DNAH7: variants seen among roughly 807,000 people sequenced by gnomAD.
The protein encoded by DNAH7 is dynein axonemal heavy chain 7.
DNAH7 carries 397 observed loss-of-function variants against 444.6 expected under a neutral mutation model. The ratio of observed to expected loss-of-function variants is 0.89; its 90% CI spans 0.82 to 0.97. DNAH7 has a LOEUF of 0.97. DNAH7 is among the 50% of genes least tolerant of loss of function. DNAH7 has a pLI of 0.00. For synonymous variants in DNAH7, 1,636 were observed against 1,624.4 expected (o/e 1.01, Z -0.17); for missense variants, 4,902 against 4,800.8 (o/e 1.02, Z -0.62).
chr2:195,838,221 T>C (rs1335618639), intron 47 of DNAH7, among the ~76,000 whole-genome samples: 3 of 152,112 alleles, frequency 2.0e-5, no homozygotes, highest in Non-Finnish European at 4.4e-5. Flanking sequence ...ACTGAGTTAT[T>C]TGACTGCTAA....
Position 195,960,285 on chromosome 2 carries a change from TG to T in DNAH7, c.2865del (p.Phe955LeufsTer9), listed in dbSNP as rs1690997136. The T allele has an allele frequency of 6.2e-7, 1 of 1,611,864 alleles. No homozygotes were observed. Among genetic ancestry groups the T allele is most frequent in the Non-Finnish European group, 8.5e-7 (1 of 1,179,054 alleles). ...CTCATTTGTTTTTCATAAGGCTTAA[TG>T]AAAGGAGATCCTCGCATAGTTTGTG... ...IKTQTMRGSP[F>X]IKPYEKQMRE... On this transcript the variant is annotated frameshift_variant, in exon 18 of 65. Coordinates refer to ENST00000312428, the MANE Select transcript of DNAH7 (RefSeq NM_018897.3). LOFTEE classifies it high-confidence loss of function.
At chr2:195,844,495 C>T (rs1325979509) in intron 47 of DNAH7, among the ~76,000 whole-genome samples, 2 of 151,796 alleles carry the variant, frequency 1.3e-5, no homozygotes, top group Non-Finnish European at 2.9e-5. Context: ...TCTCCCAGCC[C>T]AGACTACACA....
intron 15 of DNAH7, among the ~76,000 whole-genome samples, chr2:195,980,361 A>G (rs1331775979): frequency 6.6e-6 from 1 of 152,126 alleles, no homozygotes; most frequent in Non-Finnish European, 1.5e-5. Context: ...CATGACTGTA[A>G]GTTTTCTGAG....
intron 48 of DNAH7, among the ~76,000 whole-genome samples, chr2:195,830,522 T>C (rs190198324): frequency 6.6e-6 from 1 of 152,320 alleles, no homozygotes; most frequent in African/African-American, 2.4e-5. Flanking sequence ...ACTCAGCACC[T>C]ATCAGGTGCC....
chr2:196,037,861 T>C (rs1271070854), intron 5 of DNAH7, among the ~76,000 whole-genome samples: 2 of 152,074 alleles, frequency 1.3e-5, no homozygotes, highest in African/African-American at 2.4e-5. Flanking sequence ...TTAGAAGAGA[T>C]ATAAACATCT....
Position 195,857,544 on chromosome 2 carries a change from C to T in DNAH7, c.8247G>A (p.Leu2749=), listed in dbSNP as rs1699782162. ...AKRLLGDMRF[L]QSLHEYDKDN... The stretch of plus-strand genomic sequence containing the variant: ...CCTTGTCATATTCATGAAGTGACTG[C>T]AGAAACCTCATGTCACCAAGAAGTC... Residue 2749 remains leucine (L), a synonymous_variant, in exon 44 of 65, where the codon CTG becomes CTA. Transcript: ENST00000312428. 1 of 1,613,804 alleles carries T rather than the reference C, an allele frequency of 6.2e-7. No individual in the cohort carries two copies. Among genetic ancestry groups the T allele is most frequent in the South Asian group, 1.1e-5 (1 of 91,084 alleles).
chr2:196,063,309 A>G (rs1355134251), intron 1 of DNAH7: 2 of 152,276 alleles, frequency 1.3e-5, no homozygotes, highest in Non-Finnish European at 2.9e-5. Flanking sequence ...TGCTGCCACT[A>G]GAACTGCAGA....
chr2:195,848,943 G>T (rs1699184639), intron 46 of DNAH7, among the ~76,000 whole-genome samples: 1 of 152,152 alleles, frequency 6.6e-6, no homozygotes, highest in African/African-American at 2.4e-5. Flanking sequence ...GACAGCACTT[G>T]TGAAATATTA....
In DNAH7 at chr2:195,817,844, AT is replaced by A. The variant is rs758075923; in HGVS notation, c.9292-16del. On this transcript the variant is annotated splice_polypyrimidine_tract_variant and intron_variant, in intron 49 of 64. Coordinates refer to ENST00000312428, the MANE Select transcript of DNAH7 (RefSeq NM_018897.3). ...AATAATGTTACCTATAAATGAAAAA[AT>A]ATACAAAAATTACATCATTATTTCT... is the stretch of plus-strand genomic sequence containing the variant. The A allele has an allele frequency of 5.8e-6, 9 of 1,539,468 alleles. No homozygotes were observed. Among genetic ancestry groups the A allele is most frequent in the Non-Finnish European group, 7.9e-6 (9 of 1,142,424 alleles).
At chr2:195,751,267 A>G (rs1305827037) in intron 63 of DNAH7, among the ~76,000 whole-genome samples, 1 of 152,156 alleles carries the variant, frequency 6.6e-6, no homozygotes, top group Non-Finnish European at 1.5e-5. Flanking sequence ...TTTATTCCTT[A>G]TATCTGTTGT....
chr2:196,048,257 A>G, intron 4 of DNAH7, 39 bp downstream of exon 4: 1 of 1,530,304 alleles, frequency 6.5e-7, no homozygotes, highest in Non-Finnish European at 9.0e-7. Flanking sequence ...CTCTCTACAA[A>G]TTATCCTTAA....
rs995088185 is a variant in DNAH7 at position 195,752,085 on chromosome 2, A to AC, written c.11764+2251dup. On this transcript the variant is annotated intron_variant, in intron 63 of 64. Coordinates refer to ENST00000312428, the MANE Select transcript of DNAH7 (RefSeq NM_018897.3). The stretch of plus-strand genomic sequence containing the variant: ...CAGGAGACTGAGACCAGCCTGGACA[A>AC]CACAGGGAGACCCTGTCTATACAAA... Among the ~76,000 whole-genome samples the AC allele has an allele frequency of 7.2e-5, 11 of 152,264 alleles. 1 individual carries two copies. Among genetic ancestry groups the AC allele is most frequent in the African/African-American group, 2.6e-4 (11 of 41,564 alleles).
intron 1 of DNAH7, among the ~76,000 whole-genome samples, chr2:196,065,130 G>A (rs190515259): frequency 8.6e-5 from 13 of 151,800 alleles, no homozygotes; most frequent in South Asian, 4.2e-4. Context: ...AAAAATTATC[G>A]TAAACAATCT....
At chr2:195,968,183 G>T (rs1435048172) in intron 17 of DNAH7, among the ~76,000 whole-genome samples, 1 of 152,136 alleles carries the variant, frequency 6.6e-6, no homozygotes, top group African/African-American at 2.4e-5. Context: ...GGGCCCCAAG[G>T]TCCCACCTGG....
Position 195,809,761 on chromosome 2 carries a change from A to T in DNAH7, c.9872T>A (p.Leu3291Gln). The change falls in exon 52 of 65, where the codon CTG (leucine) becomes CAG (glutamine). Residue 3291 changes from leucine to glutamine, a missense_variant. Transcript: ENST00000312428. The stretch of plus-strand genomic sequence containing the variant: ...AGTACTGACCGCCCGCTCATGCAGC[A>T]GTAGATTTATGGTTAGACAAAAGGA... ...LFSFCLTINL[L>Q]LHERAINKAE... 6.3e-7 allele frequency: 1 copy of T among 1,594,498 alleles called. No individual in the cohort carries two copies.
chr2:195,768,721 G>A (rs1360480038), intron 61 of DNAH7, among the ~76,000 whole-genome samples: 1 of 152,028 alleles, frequency 6.6e-6, no homozygotes, highest in Non-Finnish European at 1.5e-5. Flanking sequence ...GGAATCCTGG[G>A]TAAATTAAAA....
intron 1 of DNAH7, among the ~76,000 whole-genome samples, chr2:196,060,390 CAGAT>C (rs1030211290): frequency 6.6e-6 from 1 of 152,174 alleles, no homozygotes; most frequent in Non-Finnish European, 1.5e-5. Flanking sequence ...CCTCCATTCA[CAGAT>C]AATCTCTTTT....
intron 21 of DNAH7, among the ~76,000 whole-genome samples, chr2:195,933,001 C>T (rs1225062583): frequency 3.3e-5 from 5 of 152,138 alleles, no homozygotes; most frequent in Non-Finnish European, 4.4e-5. Context: ...ATGGTACCAG[C>T]TCCTCCTTGT....
At chr2:195,819,806 C>T (rs1697374675) in intron 49 of DNAH7, among the ~76,000 whole-genome samples, 1 of 152,146 alleles carries the variant, frequency 6.6e-6, no homozygotes, top group Non-Finnish European at 1.5e-5. Flanking sequence ...TTCTACAGGG[C>T]AGAAAGTTTC....
Sources: gnomAD v4.1 joint callset for allele counts (sites outside exome capture counted in the v4.1 genomes callset) on GRCh38, gnomAD v4.1.1 for gene constraint, MANE v1.5 for transcripts, NCBI Gene and HGNC (gene_info 2026-07-23, HGNC 2026-07-21) for gene names.